The following PDIA6 variants were observed in gnomAD, a reference collection of about 807,000 sequenced individuals.
PDIA6 encodes protein disulfide-isomerase A6.
Under a neutral mutation model 58.4 loss-of-function variants are expected in PDIA6, and 29 were observed. The observed-to-expected ratio is 0.50, with a 90% CI of 0.37 to 0.68. PDIA6 has a LOEUF of 0.68. PDIA6 is among the 30% of genes least tolerant of loss of function. The pLI is 0.00. For missense variants in PDIA6, 480 were observed against 551.0 expected (o/e 0.87, Z 1.29); for synonymous variants, 192 against 202.6 (o/e 0.95, Z 0.44).
At chr2:10,792,299 A>G (rs1050919055) in intron 5 of PDIA6, among the ~76,000 whole-genome samples, 1 of 152,246 alleles carries the variant, frequency 6.6e-6, no homozygotes, top group Non-Finnish European at 1.5e-5. Flanking sequence ...CATCTTTCAT[A>G]GACAAAGTCC....
chr2:10,820,199 T>C (rs184999712), intron 1 of PDIA6, among the ~76,000 whole-genome samples: 1 of 152,172 alleles, frequency 6.6e-6, no homozygotes, highest in South Asian at 2.1e-4. Context: ...AGAATAGCTC[T>C]CTGTTATAGA....
At chr2:10,818,483 TTTA>T (rs1315676352) in intron 2 of PDIA6, among the ~76,000 whole-genome samples, 3 of 39,550 alleles carry the variant, frequency 7.6e-5, no homozygotes, top group African/African-American at 3.0e-4. Flanking sequence ...AACCATTTAA[TTTA>T]TTTATTTATT....
At chr2:10,828,647 C>A (rs1667624306) in intron 1 of PDIA6, among the ~76,000 whole-genome samples, 1 of 152,242 alleles carries the variant, frequency 6.6e-6, no homozygotes, top group Non-Finnish European at 1.5e-5. Flanking sequence ...CATGGTGCAG[C>A]CTTGCTGTCT....
chr2:10,802,073 G>A (rs1666533108), intron 2 of PDIA6, among the ~76,000 whole-genome samples: 1 of 152,170 alleles, frequency 6.6e-6, no homozygotes, highest in South Asian at 2.1e-4. Flanking sequence ...ACTTTTGACT[G>A]TATATAATTT....
At chr2:10,812,603 G>C in intron 1 of PDIA6, 75 bp downstream of exon 1, 1 of 1,392,458 alleles carries the variant, frequency 7.2e-7, no homozygotes. Flanking sequence ...CGGCCCGCCG[G>C]GGAACGGCCT....
At position 10,791,791 on chromosome 2, in the gene PDIA6, T is replaced by C. The variant is rs1334556145; in HGVS notation, c.584+4A>G. 1 of 1,611,988 alleles carries C rather than the reference T, an allele frequency of 6.2e-7. No homozygotes were observed. The highest frequency in any genetic ancestry group is 1.3e-5 in the African/African-American group (1 of 74,886). ...GAACAGACTACTTAGTAGAAGGCAC[T>C]TACTTTTTGCAGTGTCCACACCAAG... On this transcript the variant is annotated splice_donor_region_variant and intron_variant, in intron 6 of 12. Coordinates refer to ENST00000272227, the MANE Select transcript of PDIA6 (RefSeq NM_005742.4).
chr2:10,817,297 C>T (rs762799194), upstream of PDIA6, among the ~76,000 whole-genome samples: 5 of 152,186 alleles, frequency 3.3e-5, no homozygotes, highest in South Asian at 2.1e-4. Flanking sequence ...CTGATGGTGA[C>T]GCTGTTACAA....
At chr2:10,793,224 C>T (rs1182406272) in intron 4 of PDIA6, 22 bp from the exon 5 acceptor site, 8 of 1,557,676 alleles carry the variant, frequency 5.1e-6, no homozygotes, top group Admixed American at 1.7e-5. Context: ...GGAAGGTAGG[C>T]GGTCCTCAGC....
In PDIA6 at chr2:10,802,628, C is replaced by T; in HGVS notation, c.32G>A (p.Cys11Tyr). 1 of 1,462,680 alleles carries T rather than the reference C, an allele frequency of 6.8e-7. No homozygotes were observed. The allele number at this position is 1,462,680 out of a possible 1,614,324, so 90.6% of individuals were successfully genotyped here. MALLVLGLVS[C>Y]TFFLAVNGLY... ...ACCATTCACTGCCAGAAAGAAGGTA[C>T]AGCTCACCAGACCTGAAGATAAAAA... Residue 11 changes from cysteine (C) to tyrosine (Y), a missense_variant, in exon 2 of 13, where the codon TGT becomes TAT. Physicochemically the swap from Cys to Tyr is radical, Grantham distance 194 (BLOSUM62 -2). Transcript: ENST00000272227.
upstream of PDIA6, among the ~76,000 whole-genome samples, chr2:10,833,394 C>G (rs1667755923): frequency 6.6e-6 from 1 of 152,230 alleles, no homozygotes; most frequent in South Asian, 2.1e-4. Flanking sequence ...CAGGCCCCCA[C>G]TTTGCTGCTG....
intron 10 of PDIA6, among the ~76,000 whole-genome samples, 157 bp from the exon 11 acceptor site, chr2:10,787,596 C>T (rs1665831579): frequency 6.6e-6 from 1 of 152,190 alleles, no homozygotes; most frequent in African/African-American, 2.4e-5. Flanking sequence ...TCCCTTTTTA[C>T]CTGAAATCCC....
At chr2:10,786,991 T>C (rs1213779868) in intron 11 of PDIA6, among the ~76,000 whole-genome samples, 1 of 152,156 alleles carries the variant, frequency 6.6e-6, no homozygotes, top group Admixed American at 6.5e-5. Flanking sequence ...ATATGAGACC[T>C]TTATGAGAAT....
At chr2:10,820,504 G>A (rs112413595) in intron 1 of PDIA6, among the ~76,000 whole-genome samples, 2,672 of 152,208 alleles carry the variant, frequency 0.018, 88 homozygotes, top group African/African-American at 0.061. Flanking sequence ...AGGTAGCCTC[G>A]TTTCTATAGA....
chr2:10,794,523 C>T (rs1666184633), intron 4 of PDIA6, among the ~76,000 whole-genome samples: 1 of 148,720 alleles, frequency 6.7e-6, no homozygotes, highest in African/African-American at 2.5e-5. Context: ...TCAAGTGATC[C>T]TCCCACCTCA....
chr2:10,818,132 C>T (rs12471762), intron 2 of PDIA6, among the ~76,000 whole-genome samples: 19,284 of 151,796 alleles, frequency 0.13, 1,495 homozygotes, highest in Non-Finnish European at 0.18. Flanking sequence ...ACTGATAAAA[C>T]GCACATAACA....
rs567903052 is a variant in PDIA6 at position 10,787,589 on chromosome 2, CT to C, written c.999-151del. 8.6e-5 allele frequency: 68 copies of C among 787,398 alleles called. 1 individual carries two copies. In the East Asian group the frequency reaches 1.7e-3, roughly 20 times the overall value. The allele number at this position is 787,398 out of a possible 1,614,324, so 48.8% of individuals were successfully genotyped here. ...AGATGAGTTTCTATATGGATTTTCC[CT>C]TTTTACCTGAAATCCCACCAATATC... On this transcript the variant is annotated intron_variant, in intron 10 of 12. Coordinates refer to ENST00000272227, the MANE Select transcript of PDIA6 (RefSeq NM_005742.4).
chr2:10,827,994 C>G (rs1446967904), intron 1 of PDIA6, among the ~76,000 whole-genome samples: 1 of 151,076 alleles, frequency 6.6e-6, no homozygotes, highest in Non-Finnish European at 1.5e-5. Flanking sequence ...TTGAGGGGGA[C>G]AGTGAATTCC....
At chr2:10,817,935 A>G (rs1347364053) in intron 2 of PDIA6, among the ~76,000 whole-genome samples, 7 of 152,202 alleles carry the variant, frequency 4.6e-5, no homozygotes, top group Non-Finnish European at 1.0e-4. Flanking sequence ...AGGGTGAAGA[A>G]TCTGGGCTAA....
chr2:10,819,731 C>T (rs976795844), intron 1 of PDIA6, among the ~76,000 whole-genome samples: 29 of 152,254 alleles, frequency 1.9e-4, no homozygotes, highest in Admixed American at 1.4e-3. Flanking sequence ...CAGGTCTGAC[C>T]GTAATTCCTT....
Sources: gnomAD v4.1 joint callset for allele counts (sites outside exome capture counted in the v4.1 genomes callset) on GRCh38, gnomAD v4.1.1 for gene constraint, MANE v1.5 for transcripts, NCBI Gene and HGNC (gene_info 2026-07-23, HGNC 2026-07-21) for gene names.